The following TSHZ3 variants were observed in gnomAD, a reference collection of about 807,000 sequenced individuals.
The protein encoded by TSHZ3 is teashirt homolog 3.
Under a neutral mutation model 64.5 loss-of-function variants are expected in TSHZ3, and 10 were observed. That is an observed-to-expected ratio of 0.16 (90% CI 0.10 to 0.26). The LOEUF is 0.26. TSHZ3 is among the 10% of genes least tolerant of loss of function. The pLI, the probability that TSHZ3 is intolerant of heterozygous loss-of-function variation, is 1.00. For missense variants in TSHZ3, 1,242 were observed against 1,421.7 expected (o/e 0.87, Z 2.03); for synonymous variants, 608 against 593.1 (o/e 1.03, Z -0.36).
intron 1 of TSHZ3, among the ~76,000 whole-genome samples, chr19:31,307,736 T>C (rs1916341934): frequency 6.6e-6 from 1 of 152,244 alleles, no homozygotes; most frequent in Non-Finnish European, 1.5e-5. Flanking sequence ...TCGGCCAATG[T>C]GTCAAGCAGC....
At chr19:31,194,105 T>C (rs1290437912) in intron 5 of TSHZ3, among the ~76,000 whole-genome samples, 1 of 152,162 alleles carries the variant, frequency 6.6e-6, no homozygotes, top group African/African-American at 2.4e-5. Flanking sequence ...GCAGAACTTC[T>C]GAAGGAATCA....
At chr19:31,208,038 G>C (rs774927734) in intron 4 of TSHZ3, among the ~76,000 whole-genome samples, 15 of 152,142 alleles carry the variant, frequency 9.9e-5, no homozygotes, top group Non-Finnish European at 1.9e-4. Context: ...TGTCCTGCTC[G>C]TGGCAACACC....
At chr19:31,225,019 G>A (rs1256404566) in intron 4 of TSHZ3, among the ~76,000 whole-genome samples, 1 of 152,210 alleles carries the variant, frequency 6.6e-6, no homozygotes, top group East Asian at 1.9e-4. Flanking sequence ...GCAATGTGCT[G>A]GCTGGAGGCC....
At position 31,279,123 on chromosome 19, in the gene TSHZ3, C is replaced by G; in HGVS notation, c.670G>C (p.Asp224His). The G allele has an allele frequency of 6.2e-7, 1 of 1,613,838 alleles. No individual in the cohort carries two copies. Among genetic ancestry groups the G allele is most frequent in the Non-Finnish European group, 8.5e-7 (1 of 1,179,836 alleles). Reference protein sequence around the residue: ...FRCKDCSAAYDTLVELTVHMN... With the variant: ...FRCKDCSAAYHTLVELTVHMN... ...TGCACCGTCAACTCCACCAGGGTGT[C>G]GTAGGCAGCGCTGCAGTCCTTACAG... The change falls in exon 2 of 2, where the codon GAC becomes CAC. Residue 224 changes from aspartate (D) to histidine (H), a missense_variant. Transcript: ENST00000240587. This position sits in a 1 kb window ranked among gnomAD's most constrained non-coding sequence, Gnocchi z 6.4.
chr19:31,163,946 T>C (rs896524152), intron 5 of TSHZ3, among the ~76,000 whole-genome samples: 2 of 152,116 alleles, frequency 1.3e-5, no homozygotes, highest in Non-Finnish European at 2.9e-5. Context: ...TCCTAAGAAG[T>C]AAGTGCGTGT....
rs1033963696 is a variant in TSHZ3 at position 31,321,570 on chromosome 19, C to T, written c.40+27610G>A. 6.6e-5 allele frequency among the ~76,000 whole-genome samples: 10 copies of T among 152,232 alleles called. No individual in the cohort carries two copies. The East Asian group carries it at 1.9e-3, about 29-fold the overall frequency. On this transcript the variant is annotated intron_variant, in intron 1 of 1. Coordinates refer to ENST00000240587, the MANE Select transcript of TSHZ3 (RefSeq NM_020856.4). ...ACGGCAGACTCACGCCAGGTTAACGCAAGGGGCCTGGCCACAATCAGGCAG... is the reference window on the plus strand; with the variant it reads ...ACGGCAGACTCACGCCAGGTTAACGTAAGGGGCCTGGCCACAATCAGGCAG...
intron 5 of TSHZ3, among the ~76,000 whole-genome samples, chr19:31,183,982 A>G (rs181333833): frequency 6.6e-6 from 1 of 152,278 alleles, no homozygotes; most frequent in Admixed American, 6.5e-5. Flanking sequence ...AACCCTATTG[A>G]TAATGATAAA....
intron 5 of TSHZ3, among the ~76,000 whole-genome samples, chr19:31,187,374 A>G (rs994893987): frequency 6.7e-6 from 1 of 149,038 alleles, no homozygotes; most frequent in Non-Finnish European, 1.5e-5. Flanking sequence ...GCAGAATTGC[A>G]TTGTACCAAT....
intron 4 of TSHZ3, among the ~76,000 whole-genome samples, chr19:31,212,302 G>A (rs1975267280): frequency 6.6e-6 from 1 of 151,754 alleles, no homozygotes; most frequent in Non-Finnish European, 1.5e-5. Context: ...CTGAAAAGAT[G>A]CAAAAATTAG....
intron 4 of TSHZ3, among the ~76,000 whole-genome samples, chr19:31,216,446 G>A (rs1312155771): frequency 6.6e-6 from 1 of 151,614 alleles, no homozygotes; most frequent in East Asian, 1.9e-4. Flanking sequence ...GGCTTTCCCA[G>A]GAGGCAGCTT....
chr19:31,207,442 G>A (rs1975197052), intron 4 of TSHZ3: 1 of 152,078 alleles, frequency 6.6e-6, no homozygotes, highest in Non-Finnish European at 1.5e-5. Context: ...CTCTTTTGAT[G>A]CCATTCAGAA....
chr19:31,264,288 A>G lies in TSHZ3; in HGVS notation n.64-21413T>C, dbSNP rs371890556. Among the ~76,000 whole-genome samples the G allele has an allele frequency of 1.8e-4, 28 of 152,270 alleles. No homozygotes were observed. In the East Asian group the frequency reaches 3.9e-3, roughly 21 times the overall value. ...AGCTGCCTTATCCTGGGGTGGGGCC[A>G]CTCAAAGATGAGAGTTTCCTGCACA... is the stretch of plus-strand genomic sequence containing the variant. On this transcript the variant is annotated intron_variant and non_coding_transcript_variant, in intron 1 of 6. Coordinates refer to the TSHZ3 transcript ENST00000651361.
At chr19:31,170,464 G>A (rs554952903) in intron 5 of TSHZ3, among the ~76,000 whole-genome samples, 1 of 152,172 alleles carries the variant, frequency 6.6e-6, no homozygotes, top group Non-Finnish European at 1.5e-5. Context: ...GGTTTGGGGG[G>A]ACCTACATTC....
intron 5 of TSHZ3, among the ~76,000 whole-genome samples, chr19:31,188,825 CCTTT>C (rs1175905103): frequency 3.3e-5 from 5 of 151,748 alleles, no homozygotes; most frequent in African/African-American, 9.7e-5. Context: ...GTGATGTGTT[CCTTT>C]CTTCTCTATT....
intron 5 of TSHZ3, among the ~76,000 whole-genome samples, chr19:31,204,228 C>G (rs1975129764): frequency 6.6e-6 from 1 of 151,948 alleles, no homozygotes; most frequent in Non-Finnish European, 1.5e-5. Context: ...TTCTTCCTTC[C>G]TTCTTCAATC....
intron 1 of TSHZ3, among the ~76,000 whole-genome samples, chr19:31,308,035 C>G (rs1185266732): frequency 1.3e-5 from 2 of 152,230 alleles, no homozygotes; most frequent in Non-Finnish European, 2.9e-5. Flanking sequence ...GGGAGCCCAG[C>G]AAATTGCTAG....
chr19:31,216,518 A>T (rs1375626954), intron 4 of TSHZ3, among the ~76,000 whole-genome samples: 1 of 148,656 alleles, frequency 6.7e-6, no homozygotes, highest in Non-Finnish European at 1.5e-5. Flanking sequence ...GTGCAATCTC[A>T]GCTCACTGCA....
At chr19:31,161,483 G>T (rs1170706750) in intron 5 of TSHZ3, among the ~76,000 whole-genome samples, 1 of 152,140 alleles carries the variant, frequency 6.6e-6, no homozygotes, top group African/African-American at 2.4e-5. Flanking sequence ...GGAGATATGG[G>T]ATTCACAGTT....
chr19:31,152,361 C>T (rs368609402), intron 6 of TSHZ3, among the ~76,000 whole-genome samples: 6 of 151,870 alleles, frequency 4.0e-5, no homozygotes, highest in African/African-American at 9.7e-5. Context: ...CCAGAAAGCT[C>T]GTTTTTCCTT....
Sources: gnomAD v4.1 joint callset for allele counts (sites outside exome capture counted in the v4.1 genomes callset) on GRCh38, gnomAD v4.1.1 for gene constraint, Gnocchi (gnomAD v3.1) non-coding constraint, MANE v1.5 for transcripts, NCBI Gene and HGNC (gene_info 2026-07-23, HGNC 2026-07-21) for gene names.